Variants in WDR27 observed in about 807,000 individuals in gnomAD.
WDR27 encodes WD repeat-containing protein 27.
WDR27 carries 100 observed loss-of-function variants against 114.4 expected under a neutral mutation model. The observed-to-expected ratio is 0.87, with a 90% CI of 0.74 to 1.03. The LOEUF (loss-of-function observed/expected upper bound fraction) is 1.03. Among genes scored for constraint, WDR27 ranks in the 50% least tolerant of loss-of-function variants. WDR27 has a pLI of 0.00. For synonymous variants in WDR27, 449 were observed against 423.1 expected (o/e 1.06, Z -0.75); for missense variants, 1,129 against 1,092.9 (o/e 1.03, Z -0.47).
the WDR27 span, among the ~76,000 whole-genome samples, chr6:169,438,062 C>A: frequency 2.0e-5 from 3 of 152,082 alleles, no homozygotes; most frequent in Non-Finnish European, 4.4e-5. Flanking sequence ...TTCTTCACCC[C>A]CAAGTAGTCT....
At position 169,645,370 on chromosome 6, in the gene WDR27, A is replaced by G. The variant is rs370318827; in HGVS notation, c.1658-1584T>C. ...TAGTTCACACGAGTTACGCTGTAGA[A>G]AAGCCTAGTTCGCAGGAGTCCCACT... On this transcript the variant is annotated intron_variant, in intron 16 of 25. Transcript: ENST00000448612. Among the ~76,000 whole-genome samples the G allele has an allele frequency of 1.6e-4, 24 of 152,206 alleles. No homozygotes were observed. In the East Asian group the frequency reaches 4.4e-3, roughly 28 times the overall value.
chr6:169,562,238 A>G (rs1385992561), intron 25 of WDR27, among the ~76,000 whole-genome samples: 1 of 152,204 alleles, frequency 6.6e-6, no homozygotes, highest in African/African-American at 2.4e-5. Flanking sequence ...CAGAGTCTAC[A>G]TTCTTTCCAG....
intron 23 of WDR27, among the ~76,000 whole-genome samples, chr6:169,595,411 C>G (rs903888861): frequency 6.6e-6 from 1 of 152,168 alleles, no homozygotes; most frequent in Admixed American, 6.5e-5. Context: ...TGTTAGTTCC[C>G]TACTATGCCC....
intron 20 of WDR27, 22 bp downstream of exon 20, chr6:169,634,406 C>G: frequency 6.3e-7 from 1 of 1,581,952 alleles, no homozygotes; most frequent in Non-Finnish European, 8.7e-7. Context: ...AAAACCCTAC[C>G]AGGATCCGGG....
chr6:169,640,335 C>G (rs1389642864), intron 17 of WDR27, among the ~76,000 whole-genome samples: 1 of 152,180 alleles, frequency 6.6e-6, no homozygotes, highest in East Asian at 1.9e-4. Flanking sequence ...AAAGGCAAAA[C>G]CAGGAAAGAT....
In WDR27 at chr6:169,651,802, G is replaced by A. The variant is rs1037024013; in HGVS notation, c.1481+128C>T. Reference sequence around the variant, plus strand: ...TCCAACCCACCACATTTTAACTTCTGTTTCTATTGCTATGTCCTCTCTCCA... The same window carrying A: ...TCCAACCCACCACATTTTAACTTCTATTTCTATTGCTATGTCCTCTCTCCA... On this transcript the variant is annotated intron_variant, in intron 14 of 25. Coordinates refer to ENST00000448612, the MANE Select transcript of WDR27 (RefSeq NM_182552.5). 1.0e-5 allele frequency: 8 copies of A among 787,872 alleles called. No individual in the cohort carries two copies. In the South Asian group the frequency reaches 1.5e-4, roughly 15 times the overall value. 48.8% of individuals were successfully genotyped at this position (787,872 alleles called of 1,614,324 possible). A position where few individuals can be genotyped will look rare whatever the true frequency, so the allele number is the denominator to read the frequency against.
intron 25 of WDR27, among the ~76,000 whole-genome samples, chr6:169,479,874 C>T (rs1179727759): frequency 6.6e-6 from 1 of 152,228 alleles, no homozygotes; most frequent in African/African-American, 2.4e-5. Context: ...TGAGAGGTGA[C>T]AATGTGCTAG....
rs1332313187 is a variant in WDR27 at position 169,535,495 on chromosome 6, TC to T, written c.2645+36923del. On this transcript the variant is annotated intron_variant, in intron 25 of 25. Transcript: ENST00000448612. ...AAAAAATAGGTTAACCTATTATAAG[TC>T]CTTTTTTCTTTCTTTCTTTTATAAT... Among the ~76,000 whole-genome samples, 2 of 152,178 alleles carry T rather than the reference TC, an allele frequency of 1.3e-5. 1 individual carries two copies. Among genetic ancestry groups the T allele is most frequent in the East Asian group, 3.8e-4 (2 of 5,196 alleles).
intron 22 of WDR27, among the ~76,000 whole-genome samples, chr6:169,607,977 C>A (rs1416327994): frequency 1.3e-5 from 2 of 152,136 alleles, no homozygotes; most frequent in Non-Finnish European, 2.9e-5. Flanking sequence ...GATGGTGTAG[C>A]CTACTACACA....
At chr6:169,602,074 G>A (rs1808098763) in intron 23 of WDR27, 145 bp downstream of exon 23, 3 of 493,880 alleles carry the variant, frequency 6.1e-6, no homozygotes, top group Non-Finnish European at 1.1e-5. Flanking sequence ...TTATTAAAAT[G>A]CTATTACTGT....
the WDR27 span, among the ~76,000 whole-genome samples, chr6:169,444,871 G>T: frequency 2.6e-5 from 4 of 152,074 alleles, no homozygotes; most frequent in Non-Finnish European, 4.4e-5. Context: ...CTGCCCTTTT[G>T]CCAGAGGCTG....
intron 25 of WDR27, among the ~76,000 whole-genome samples, chr6:169,461,658 C>A (rs2208729): frequency 0.95 from 139,822 of 146,446 alleles, 66,714 homozygotes; most frequent in East Asian, 0.99. Flanking sequence ...AAAAAAAAAA[C>A]AAAACAAGAA....
chr6:169,434,828 GA>G, the WDR27 span, among the ~76,000 whole-genome samples: 1 of 152,252 alleles, frequency 6.6e-6, no homozygotes, highest in African/African-American at 2.4e-5. Context: ...CTTTCTGGGA[GA>G]AATTCAAGCC....
intron 22 of WDR27, among the ~76,000 whole-genome samples, chr6:169,608,878 G>A (rs912564911): frequency 1.3e-5 from 2 of 152,194 alleles, no homozygotes; most frequent in Non-Finnish European, 2.9e-5. Flanking sequence ...AATATCAAAA[G>A]CAAGCTAGTT....
the WDR27 span, among the ~76,000 whole-genome samples, chr6:169,430,924 G>C: frequency 3.3e-5 from 5 of 152,200 alleles, no homozygotes; most frequent in Non-Finnish European, 7.3e-5. Flanking sequence ...ATATGAATCA[G>C]AGTTATCTTG....
chr6:169,625,074 T>C (rs528635102), intron 21 of WDR27, among the ~76,000 whole-genome samples: 1 of 152,308 alleles, frequency 6.6e-6, no homozygotes, highest in Admixed American at 6.5e-5. Flanking sequence ...ATGTCACCAC[T>C]ATGGAAAGCC....
At chr6:169,495,715 T>A (rs574681307) in intron 25 of WDR27, among the ~76,000 whole-genome samples, 2 of 152,208 alleles carry the variant, frequency 1.3e-5, no homozygotes, top group Non-Finnish European at 2.9e-5. Flanking sequence ...CTACCAAGAC[T>A]AAATCACACT....
At chr6:169,429,321 C>T in the WDR27 span, among the ~76,000 whole-genome samples, 22 of 152,220 alleles carry the variant, frequency 1.4e-4, no homozygotes, top group Middle Eastern at 3.4e-3. Context: ...TTGCTTCAGC[C>T]GCCCCCGTGC....
At chr6:169,519,302 G>T (rs1283990043) in intron 25 of WDR27, among the ~76,000 whole-genome samples, 1 of 152,124 alleles carries the variant, frequency 6.6e-6, no homozygotes, top group Non-Finnish European at 1.5e-5. Context: ...CCAATTTTCT[G>T]TGTTAGTTCA....
Sources: allele counts gnomAD v4.1 joint callset (sites outside exome capture counted in the v4.1 genomes callset), GRCh38; gene constraint gnomAD v4.1.1; transcripts MANE v1.5; gene names NCBI Gene and HGNC (gene_info 2026-07-23, HGNC 2026-07-21).